The following NALF1 variants were observed in gnomAD, a reference collection of about 807,000 sequenced individuals.
NALF1 encodes NALCN channel auxiliary factor 1.
A neutral mutation model predicts 48.4 loss-of-function variants in NALF1; 3 were observed. That is an observed-to-expected ratio of 0.06 (90% CI 0.03 to 0.16). The LOEUF (loss-of-function observed/expected upper bound fraction) is 0.16, where lower values mean the gene tolerates loss of function less well. NALF1 is among the 10% of genes least tolerant of loss of function. The pLI is 1.00. For missense variants in NALF1, 526 were observed against 571.5 expected, an observed-to-expected ratio of 0.92 and a Z score of 0.81; for synonymous variants, 262 against 245.7, an observed-to-expected ratio of 1.07 and a Z score of -0.62.
chr13:107,219,693 A>C (rs993517291), intron 1 of NALF1, among the ~76,000 whole-genome samples: 1 of 152,196 alleles, frequency 6.6e-6, no homozygotes, highest in African/African-American at 2.4e-5. Context: ...CAACGCACTG[A>C]GTAGAGCTAT....
At chr13:107,328,873 A>G (rs1042545388) in intron 1 of NALF1, among the ~76,000 whole-genome samples, 10 of 152,200 alleles carry the variant, frequency 6.6e-5, no homozygotes, top group Admixed American at 1.3e-4. Context: ...CACAACTCCA[A>G]TGCAAACCAG....
chr13:107,770,774 T>C (rs962008761), intron 1 of NALF1, among the ~76,000 whole-genome samples: 1 of 152,240 alleles, frequency 6.6e-6, no homozygotes, highest in Admixed American at 6.5e-5. Context: ...GGCTTTGTTC[T>C]CACAGACTTT....
intron 1 of NALF1, among the ~76,000 whole-genome samples, chr13:107,267,323 T>C (rs1044812189): frequency 2.0e-5 from 3 of 152,076 alleles, no homozygotes; most frequent in South Asian, 4.1e-4. Context: ...AGCAAAGTGA[T>C]GTAAGAAGTA....
chr13:107,473,549 G>A (rs1024412315), intron 1 of NALF1, among the ~76,000 whole-genome samples: 1 of 152,104 alleles, frequency 6.6e-6, no homozygotes, highest in African/African-American at 2.4e-5. Flanking sequence ...AAGAAAACAG[G>A]ACATATGTCT....
intron 1 of NALF1, among the ~76,000 whole-genome samples, chr13:107,473,947 C>T (rs1017188704): frequency 2.0e-5 from 3 of 152,072 alleles, no homozygotes; most frequent in Non-Finnish European, 4.4e-5. Context: ...TGTATATGAA[C>T]AAGGAGTGTT....
intron 1 of NALF1, among the ~76,000 whole-genome samples, chr13:107,274,358 G>T (rs1299244706): frequency 6.6e-6 from 1 of 152,076 alleles, no homozygotes; most frequent in Non-Finnish European, 1.5e-5. Flanking sequence ...ATCACTTGAG[G>T]CTAGGAGTTT....
At chr13:107,464,000 T>C (rs1282983637) in intron 1 of NALF1, among the ~76,000 whole-genome samples, 12 of 152,274 alleles carry the variant, frequency 7.9e-5, no homozygotes, top group Admixed American at 2.0e-4. Context: ...GCTATCCACA[T>C]TGGAACAGAA....
chr13:107,827,538 G>A (rs990979724), intron 1 of NALF1, among the ~76,000 whole-genome samples: 4 of 152,160 alleles, frequency 2.6e-5, no homozygotes, highest in South Asian at 2.1e-4. Flanking sequence ...TCTGGCCATC[G>A]GGCAGTGTTA....
chr13:107,785,959 T>C (rs9805377), intron 1 of NALF1, among the ~76,000 whole-genome samples: 31,877 of 151,976 alleles, frequency 0.21, 3,484 homozygotes, highest in African/African-American at 0.25. Flanking sequence ...TGAACTTTGG[T>C]GTAAAAGCCA....
intron 1 of NALF1, among the ~76,000 whole-genome samples, chr13:107,506,528 A>G (rs987095440): frequency 3.3e-5 from 5 of 152,098 alleles, no homozygotes; most frequent in Non-Finnish European, 7.4e-5. Context: ...GTTACCCTTA[A>G]AATAAAACAT....
At chr13:107,677,403 A>G (rs1157160350) in intron 1 of NALF1, among the ~76,000 whole-genome samples, 1 of 152,252 alleles carries the variant, frequency 6.6e-6, no homozygotes, top group Non-Finnish European at 1.5e-5. Flanking sequence ...AAAAACAGAA[A>G]TATCAGGAGC....
chr13:107,585,058 T>C (rs1202288950), intron 1 of NALF1, among the ~76,000 whole-genome samples: 2 of 152,200 alleles, frequency 1.3e-5, no homozygotes, highest in Non-Finnish European at 2.9e-5. Context: ...TAATATATTC[T>C]GACTTTATAG....
rs998223112 is a variant in NALF1, at chr13:107,680,394, G to A, written c.915+185288C>T. ...TTTTTGCTCTCATGCCGGCTCTTAC[G>A]TTCATACGTGTATGAGTGTGTGTGC... is the stretch of plus-strand genomic sequence containing the variant. On this transcript the variant is annotated intron_variant, in intron 1 of 2. Coordinates refer to ENST00000375915, the MANE Select transcript of NALF1 (RefSeq NM_001080396.3). 4.0e-4 allele frequency among the ~76,000 whole-genome samples: 51 copies of A among 129,040 alleles called. No homozygotes were observed. The Admixed American group carries it at 4.4e-3, about 11-fold the overall frequency. The allele number at this position is 129,040 out of a possible 152,430, so 84.7% of individuals were successfully genotyped here.
intron 1 of NALF1, among the ~76,000 whole-genome samples, chr13:107,773,618 C>A (rs1268041065): frequency 6.6e-6 from 1 of 150,866 alleles, no homozygotes; most frequent in African/African-American, 2.4e-5. Context: ...GCTTTGATTT[C>A]CTTATCATTT....
intron 1 of NALF1, among the ~76,000 whole-genome samples, chr13:107,298,455 C>T (rs1025842781): frequency 6.7e-6 from 1 of 148,610 alleles, no homozygotes; most frequent in Admixed American, 6.8e-5. Context: ...TGTTTTGAGA[C>T]AGAGTCTCAC....
intron 1 of NALF1, among the ~76,000 whole-genome samples, chr13:107,696,551 A>AGT (rs58345595): frequency 0.22 from 32,866 of 146,728 alleles, 3,776 homozygotes; most frequent in Middle Eastern, 0.43. Context: ...CTCCAAGTTG[A>AGT]GTGTGTGTGT....
intron 1 of NALF1, among the ~76,000 whole-genome samples, chr13:107,332,053 A>G (rs866965014): frequency 5.9e-4 from 90 of 152,350 alleles, no homozygotes; most frequent in African/African-American, 2.0e-3. Flanking sequence ...TTTCAGTAAA[A>G]GAACAATTCC....
chr13:107,285,679 G>A (rs770100905), intron 1 of NALF1, among the ~76,000 whole-genome samples: 1 of 151,908 alleles, frequency 6.6e-6, no homozygotes, highest in Non-Finnish European at 1.5e-5. Context: ...AGTATACAGA[G>A]GATGCATGTA....
At chr13:107,673,197 C>T (rs891541828) in intron 1 of NALF1, among the ~76,000 whole-genome samples, 1 of 152,156 alleles carries the variant, frequency 6.6e-6, no homozygotes, top group Non-Finnish European at 1.5e-5. Flanking sequence ...CCTTCCCCTT[C>T]TCTTTCCTCC....
Sources: allele counts gnomAD v4.1 joint callset (sites outside exome capture counted in the v4.1 genomes callset), GRCh38; gene constraint gnomAD v4.1.1; transcripts MANE v1.5; gene names NCBI Gene and HGNC (gene_info 2026-07-23, HGNC 2026-07-21).